The following CAMK2D variants were observed in gnomAD, a reference collection of about 807,000 sequenced individuals.
CAMK2D encodes the protein calcium/calmodulin-dependent protein kinase type II subunit delta.
CAMK2D carries 37 observed loss-of-function variants against 84.0 expected under a neutral mutation model. That is an observed-to-expected ratio of 0.44 (90% confidence interval 0.34 to 0.58). CAMK2D has a LOEUF of 0.58. CAMK2D is among the 20% of genes least tolerant of loss of function. The pLI is 0.02. For missense variants in CAMK2D, 448 were observed against 652.5 expected (o/e 0.69, Z 3.41); for synonymous variants, 202 against 212.5 (o/e 0.95, Z 0.43).
rs115650816 is a variant in CAMK2D at position 113,497,228 on chromosome 4, T to C, written c.1135+3235A>G. On this transcript the variant is annotated intron_variant, in intron 16 of 20. Transcript: ENST00000511664. Reference sequence around the variant, plus strand: ...CTACATTATAGCATAACAAGATTCATATAAAGGGTAGGAAACAGCATTTTG... The same window carrying C: ...CTACATTATAGCATAACAAGATTCACATAAAGGGTAGGAAACAGCATTTTG... Among the ~76,000 whole-genome samples, 542 of 152,150 alleles carry C rather than the reference T, an allele frequency of 3.6e-3. 2 individuals are homozygous for C. Among genetic ancestry groups the C allele is most frequent in the African/African-American group, 0.011 (477 of 41,510 alleles).
Position 113,569,230 on chromosome 4 carries a change from T to G in CAMK2D, c.276-17134A>C, listed in dbSNP as rs542267006. Among the ~76,000 whole-genome samples the G allele has an allele frequency of 2.0e-5, 3 of 152,300 alleles. No homozygotes were observed. The South Asian group carries it at 6.2e-4, about 32-fold the overall frequency. On this transcript the variant is annotated intron_variant, in intron 4 of 20. Transcript: ENST00000511664. ...TGTCCTTTGATGCATAAAAGGTTTT[T>G]AATTTTGATGAGGTTCAATGTATCT...
Position 113,727,447 on chromosome 4 carries a change from T to C in CAMK2D, c.160+31873A>G, listed in dbSNP as rs543725411. Among the ~76,000 whole-genome samples, 7 of 152,208 alleles carry C rather than the reference T, an allele frequency of 4.6e-5. No homozygotes were observed. In the East Asian group the frequency reaches 9.6e-4, roughly 21 times the overall value. On this transcript the variant is annotated intron_variant, in intron 2 of 20. Transcript: ENST00000511664. ...ACCAAAATAATTCAATAGGGAATAA[T>C]GATGTTGGAACAACTGGACAAACAT...
chr4:113,669,117 C>A (rs1170368642), intron 2 of CAMK2D, among the ~76,000 whole-genome samples: 1 of 152,102 alleles, frequency 6.6e-6, no homozygotes. Context: ...AAATGCTTTA[C>A]ACAAAATTAT....
At chr4:113,552,702 A>G (rs1293682050) in intron 4 of CAMK2D, among the ~76,000 whole-genome samples, 1 of 152,226 alleles carries the variant, frequency 6.6e-6, no homozygotes. Context: ...TAATAGAGAT[A>G]TGCATATGCG....
intron 2 of CAMK2D, among the ~76,000 whole-genome samples, chr4:113,736,343 A>G (rs921252636): frequency 3.9e-5 from 6 of 152,158 alleles, no homozygotes; most frequent in Non-Finnish European, 5.9e-5. Context: ...ATTAAACCCT[A>G]TAGCCTTCAA....
At position 113,691,214 on chromosome 4, in the gene CAMK2D, A is replaced by C. The variant is rs567324336; in HGVS notation, c.161-29442T>G. 2.6e-5 allele frequency among the ~76,000 whole-genome samples: 4 copies of C among 152,326 alleles called. No individual in the cohort carries two copies. The South Asian group carries it at 8.3e-4, about 32-fold the overall frequency. ...TCACCCATTACAACACTTTGGCTGA[A>C]AATCTACAAGACTGAAAACTCTACC... On this transcript the variant is annotated intron_variant, in intron 2 of 20. Coordinates refer to ENST00000511664, the MANE Select transcript of CAMK2D (RefSeq NM_001321571.2).
At chr4:113,463,488 T>A (rs1448834957) in intron 17 of CAMK2D, among the ~76,000 whole-genome samples, 1 of 152,190 alleles carries the variant, frequency 6.6e-6, no homozygotes, top group Non-Finnish European at 1.5e-5. Flanking sequence ...GTGATTCTCC[T>A]GCCTCAGCCT....
At chr4:113,640,765 A>T (rs796593499) in intron 3 of CAMK2D, among the ~76,000 whole-genome samples, 2 of 152,246 alleles carry the variant, frequency 1.3e-5, no homozygotes, top group South Asian at 4.1e-4. Context: ...CTTCTCTTTC[A>T]GAAACTGTTC....
intron 4 of CAMK2D, among the ~76,000 whole-genome samples, chr4:113,599,873 TGAAGAGGAGGAGGAG>T (rs148807454): frequency 0.052 from 7,904 of 151,850 alleles, 416 homozygotes; most frequent in East Asian, 0.19. Flanking sequence ...TTGAGAAGAC[TGAAGAGGAGGAGGAG>T]GAAGAGGAGG....
At chr4:113,546,186 C>G (rs2098568989) in intron 6 of CAMK2D, among the ~76,000 whole-genome samples, 1 of 152,104 alleles carries the variant, frequency 6.6e-6, no homozygotes, top group Non-Finnish European at 1.5e-5. Context: ...AAAAATTGCA[C>G]AAATGATGTG....
chr4:113,528,838 G>A (rs745651522), intron 8 of CAMK2D, among the ~76,000 whole-genome samples: 15 of 152,112 alleles, frequency 9.9e-5, no homozygotes, highest in Non-Finnish European at 2.1e-4. Flanking sequence ...TTATTGCAAG[G>A]AAAATATCTG....
intron 4 of CAMK2D, among the ~76,000 whole-genome samples, chr4:113,561,157 C>T (rs541489681): frequency 3.3e-5 from 5 of 152,220 alleles, no homozygotes; most frequent in Middle Eastern, 3.4e-3. Context: ...TCTCATTCCT[C>T]ACAATATTCA....
At chr4:113,686,508 T>C (rs1308752707) in intron 2 of CAMK2D, among the ~76,000 whole-genome samples, 1 of 152,202 alleles carries the variant, frequency 6.6e-6, no homozygotes, top group African/African-American at 2.4e-5. Context: ...CAAACATTTC[T>C]TTAGGACCTC....
intron 2 of CAMK2D, among the ~76,000 whole-genome samples, chr4:113,740,811 TGC>T (rs2099591273): frequency 6.6e-6 from 1 of 152,308 alleles, no homozygotes; most frequent in Admixed American, 6.5e-5. Context: ...TCCCCTAGAC[TGC>T]AAGAGTCTCC....
At chr4:113,759,060 T>G in intron 2 of CAMK2D, 1 of 227,870 alleles carries the variant, frequency 4.4e-6, no homozygotes, top group Middle Eastern at 1.3e-3. Context: ...TTATTTGCTT[T>G]AAAATATAGT....
chr4:113,556,032 C>T (rs1415555203), intron 4 of CAMK2D, among the ~76,000 whole-genome samples: 1 of 152,150 alleles, frequency 6.6e-6, no homozygotes, highest in African/African-American at 2.4e-5. Flanking sequence ...TATCAGACTT[C>T]CAGCCTTCAG....
At chr4:113,687,692 G>C (rs2099363993) in intron 2 of CAMK2D, among the ~76,000 whole-genome samples, 1 of 152,122 alleles carries the variant, frequency 6.6e-6, no homozygotes, top group South Asian at 2.1e-4. Flanking sequence ...AGAATTCCTT[G>C]GACACCCAAC....
chr4:113,575,650 G>A (rs192433948), intron 4 of CAMK2D, among the ~76,000 whole-genome samples: 2 of 152,190 alleles, frequency 1.3e-5, no homozygotes, highest in Admixed American at 1.3e-4. Flanking sequence ...CAGTCAGTCA[G>A]CTCTTTATTC....
At chr4:113,546,229 A>T (rs1048312171) in intron 6 of CAMK2D, among the ~76,000 whole-genome samples, 1 of 152,222 alleles carries the variant, frequency 6.6e-6, no homozygotes, top group Non-Finnish European at 1.5e-5. Flanking sequence ...AAAGGAAAGT[A>T]GTGCTGTGGG....
Sources: gnomAD v4.1 joint callset for allele counts (sites outside exome capture counted in the v4.1 genomes callset) on GRCh38, gnomAD v4.1.1 for gene constraint, MANE v1.5 for transcripts, NCBI Gene and HGNC (gene_info 2026-07-23, HGNC 2026-07-21) for gene names.